The following IL1RL2 variants were observed in gnomAD, a reference collection of about 807,000 sequenced individuals.
IL1RL2 encodes the protein interleukin 1 receptor like 2, also known as interleukin-1 receptor-like 2.
IL1RL2 carries 68 observed loss-of-function variants against 66.8 expected under a neutral mutation model. The ratio of observed to expected loss-of-function variants is 1.02; its 90% CI spans 0.84 to 1.25. The LOEUF is 1.25. IL1RL2 is among the 50% of genes most tolerant of loss of function. IL1RL2 has a pLI of 0.00. For missense variants in IL1RL2, 729 were observed against 709.3 expected (o/e 1.03, Z -0.32); for synonymous variants, 305 against 264.6 (o/e 1.15, Z -1.48).
chr2:102,242,138 G>A (rs1578217897), downstream of IL1RL2, among the ~76,000 whole-genome samples: 2 of 152,156 alleles, frequency 1.3e-5, no homozygotes, highest in South Asian at 2.1e-4. Flanking sequence ...CTGAAGAGCC[G>A]GATGAAACTA....
At chr2:102,206,536 A>G (rs1036519746) in intron 5 of IL1RL2, among the ~76,000 whole-genome samples, 1 of 152,200 alleles carries the variant, frequency 6.6e-6, no homozygotes, top group Non-Finnish European at 1.5e-5. Flanking sequence ...AATTCTCTAG[A>G]TATCAGGCAG....
chr2:102,235,201 C>A lies in IL1RL2; in HGVS notation c.1602C>A (p.Tyr534Ter). Residue 534 changes from tyrosine to a stop codon, truncating the protein, a stop_gained, in exon 11 of 12, where the codon TAC becomes TAA. Coordinates refer to ENST00000264257, the MANE Select transcript of IL1RL2 (RefSeq NM_003854.4). LOFTEE classifies it high-confidence loss of function. ...CCAAGTTTTGGAAGACAGTGAGATA[C>A]CACATGCCGCCCAGAAGGTGTCGGC... is the stretch of plus-strand genomic sequence containing the variant. The part of the protein sequence containing the change: ...MKTKFWKTVR[Y>*]HMPPRRCRPF... The A allele has an allele frequency of 6.2e-7, 1 of 1,614,206 alleles. No individual in the cohort carries two copies. Among genetic ancestry groups the A allele is most frequent in the Non-Finnish European group, 8.5e-7 (1 of 1,180,038 alleles).
chr2:102,221,297 C>G (rs1690105184), intron 8 of IL1RL2, among the ~76,000 whole-genome samples: 1 of 152,146 alleles, frequency 6.6e-6, no homozygotes, highest in Non-Finnish European at 1.5e-5. Flanking sequence ...CCTCATCCCT[C>G]AAATCTCTTT....
At chr2:102,199,996 TA>T (rs1266381267) in intron 4 of IL1RL2, among the ~76,000 whole-genome samples, 1 of 150,406 alleles carries the variant, frequency 6.6e-6, no homozygotes, top group East Asian at 2.0e-4. Context: ...CCACCTGTAC[TA>T]AAAAAACAAA....
intron 6 of IL1RL2, among the ~76,000 whole-genome samples, chr2:102,218,692 T>C (rs1430798639): frequency 2.0e-5 from 3 of 152,166 alleles, no homozygotes; most frequent in Non-Finnish European, 2.9e-5. Flanking sequence ...TTACTAGGAG[T>C]AGAAATAGCA....
At chr2:102,221,517 CA>C (rs1690128203) in intron 8 of IL1RL2, among the ~76,000 whole-genome samples, 2 of 152,134 alleles carry the variant, frequency 1.3e-5, no homozygotes, top group African/African-American at 4.8e-5. Flanking sequence ...CTGTATCTTC[CA>C]CGTTGTTCAG....
chr2:102,187,200 A>G, intron 1 of IL1RL2, 114 bp downstream of exon 1: 13 of 1,212,204 alleles, frequency 1.1e-5, no homozygotes, highest in Non-Finnish European at 1.4e-5. Context: ...GCCAGGGATC[A>G]GGCCCCCCAG....
chr2:102,242,153 T>C (rs566248219), downstream of IL1RL2, among the ~76,000 whole-genome samples: 237 of 152,316 alleles, frequency 1.6e-3, 1 homozygote, highest in African/African-American at 5.2e-3. Flanking sequence ...AAACTAAGGA[T>C]GGAGATTTTT....
At chr2:102,231,102 C>T (rs1691085616) in intron 9 of IL1RL2, among the ~76,000 whole-genome samples, 2 of 152,224 alleles carry the variant, frequency 1.3e-5, no homozygotes, top group South Asian at 4.1e-4. Context: ...TCCAATGAGA[C>T]GCCCACACTT....
At chr2:102,237,224 A>T (rs1674963105) in intron 11 of IL1RL2, among the ~76,000 whole-genome samples, 1 of 152,194 alleles carries the variant, frequency 6.6e-6, no homozygotes, top group African/African-American at 2.4e-5. Context: ...GGGTGCTGAG[A>T]TGCCCTCAAA....
At chr2:102,208,005 C>G (rs1438798029) in intron 5 of IL1RL2, among the ~76,000 whole-genome samples, 4 of 152,206 alleles carry the variant, frequency 2.6e-5, no homozygotes, top group Non-Finnish European at 5.9e-5. Flanking sequence ...GTTTTCCTTT[C>G]TGTTCTAACA....
chr2:102,193,950 T>TA (rs903806614), intron 4 of IL1RL2, among the ~76,000 whole-genome samples: 4 of 152,100 alleles, frequency 2.6e-5, no homozygotes, highest in Admixed American at 6.5e-5. Context: ...TGCAATGCAT[T>TA]AAAAAAACCC....
rs1687009396 is a variant in IL1RL2, at chr2:102,189,234, A to G, written c.217A>G (p.Ile73Val). Residue 73 changes from isoleucine to valine, a missense_variant, in exon 3 of 12, where the codon ATT becomes GTT. Physicochemically the swap from Ile to Val is conservative, Grantham distance 29. Coordinates refer to ENST00000264257, the MANE Select transcript of IL1RL2 (RefSeq NM_003854.4). Reference protein sequence around the residue: ...IPVSKIIQSRIHQDETWILFL... With the variant: ...IPVSKIIQSRVHQDETWILFL... The stretch of plus-strand genomic sequence containing the variant: ...AGTGTCCAAAATCATACAGTCTAGA[A>G]TTCACCAGGACGAGACTTGGATTTT... The G allele has an allele frequency of 1.9e-6, 3 of 1,614,026 alleles. No individual in the cohort carries two copies. Among genetic ancestry groups the G allele is most frequent in the Admixed American group, 1.7e-5 (1 of 60,010 alleles).
intron 9 of IL1RL2, among the ~76,000 whole-genome samples, chr2:102,228,700 A>T (rs1480689939): frequency 6.6e-6 from 1 of 152,240 alleles, no homozygotes; most frequent in African/African-American, 2.4e-5. Flanking sequence ...CCAAGGGGAC[A>T]ATGGGAAAAC....
chr2:102,236,719 G>A (rs1182685214), intron 11 of IL1RL2, among the ~76,000 whole-genome samples: 1 of 152,136 alleles, frequency 6.6e-6, no homozygotes, highest in Non-Finnish European at 1.5e-5. Flanking sequence ...TGCCCATTAA[G>A]CTATGCCTCC....
chr2:102,236,539 C>T (rs1441560457), intron 11 of IL1RL2, among the ~76,000 whole-genome samples: 1 of 152,200 alleles, frequency 6.6e-6, no homozygotes, highest in Non-Finnish European at 1.5e-5. Flanking sequence ...GACATTGGTC[C>T]ACTCTTTATT....
chr2:102,231,031 C>G (rs907362120), intron 9 of IL1RL2, among the ~76,000 whole-genome samples: 5 of 152,212 alleles, frequency 3.3e-5, no homozygotes, highest in African/African-American at 7.2e-5. Context: ...GACACCACCC[C>G]TCTCTAGTAC....
intron 5 of IL1RL2, among the ~76,000 whole-genome samples, chr2:102,210,761 T>C (rs1689103184): frequency 1.3e-5 from 2 of 152,172 alleles, no homozygotes; most frequent in Non-Finnish European, 2.9e-5. Context: ...ATGAGTTTGG[T>C]CATTGCTACG....
chr2:102,237,084 A>G (rs1674947950), intron 11 of IL1RL2, among the ~76,000 whole-genome samples: 1 of 151,892 alleles, frequency 6.6e-6, no homozygotes, highest in African/African-American at 2.4e-5. Context: ...TAGAGAATCC[A>G]TTTTCTAAAA....
Sources: allele counts gnomAD v4.1 joint callset (sites outside exome capture counted in the v4.1 genomes callset), GRCh38; gene constraint gnomAD v4.1.1; transcripts MANE v1.5; gene names NCBI Gene and HGNC (gene_info 2026-07-23, HGNC 2026-07-21).